TVP23C: variants seen among roughly 807,000 people sequenced by gnomAD.
TVP23C encodes the protein Golgi apparatus membrane protein TVP23 homolog C.
TVP23C carries 19 observed loss-of-function variants against 28.7 expected under a neutral mutation model. The ratio of observed to expected loss-of-function variants is 0.66; its 90% confidence interval spans 0.46 to 0.97. The LOEUF (loss-of-function observed/expected upper bound fraction) is 0.97. Among genes scored for constraint, TVP23C ranks in the 50% least tolerant of loss-of-function variants. The probability of loss-of-function intolerance (pLI) is 0.00; values close to 1 mark genes in which losing one functional copy is unlikely to be tolerated. For synonymous variants in TVP23C, 68 were observed against 81.7 expected (o/e 0.83, Z 0.90); for missense variants, 186 against 241.3 (o/e 0.77, Z 1.52).
rs184826170 is a variant in TVP23C at position 15,510,358 on chromosome 17, G to C, written c.463-7126C>G. On this transcript the variant is annotated intron_variant, in intron 5 of 5. Transcript: ENST00000225576. The stretch of plus-strand genomic sequence containing the variant: ...GAACAGACACTTATCAACACAAGAC[G>C]TACAAGCGGCCAATAAACATGAGAA... Among the ~76,000 whole-genome samples, 829 of 152,250 alleles carry C rather than the reference G, an allele frequency of 5.4e-3. 4 individuals are homozygous for C. The highest frequency in any genetic ancestry group is 8.2e-3 in the Non-Finnish European group (555 of 68,024).
intron 5 of TVP23C, chr17:15,503,690 C>G (rs1981593842): frequency 6.5e-6 from 1 of 152,928 alleles, no homozygotes; most frequent in Admixed American, 6.5e-5. Flanking sequence ...TGCAAGTTGA[C>G]TTATAAGTAT....
At chr17:15,507,091 T>A in intron 5 of TVP23C, 1 of 1,089,444 alleles carries the variant, frequency 9.2e-7, no homozygotes, top group Non-Finnish European at 1.4e-6. Context: ...CACTGGTGCC[T>A]CTACGGGGAG....
chr17:15,550,282 A>G (rs895411853), intron 3 of TVP23C, among the ~76,000 whole-genome samples: 1 of 152,210 alleles, frequency 6.6e-6, no homozygotes, highest in Non-Finnish European at 1.5e-5. Flanking sequence ...TAAACCCAAG[A>G]TATGTAGTAG....
chr17:15,541,162 A>T lies in TVP23C; in HGVS notation c.463-601T>A, dbSNP rs114199454. On this transcript the variant is annotated intron_variant, in intron 5 of 5. Transcript: ENST00000518321. ...TCCTTTGAGTTTCATTTTCTCACCT[A>T]TGGTGATCCCACTAGGATCAATGAG... is the stretch of plus-strand genomic sequence containing the variant. Among the ~76,000 whole-genome samples, 1,315 of 152,326 alleles carry T rather than the reference A, an allele frequency of 8.6e-3. 24 individuals are homozygous for T. The highest frequency in any genetic ancestry group is 0.03 in the African/African-American group (1,263 of 41,570).
downstream of TVP23C, among the ~76,000 whole-genome samples, chr17:15,533,940 T>C (rs1983047837): frequency 6.6e-6 from 1 of 152,232 alleles, no homozygotes; most frequent in African/African-American, 2.4e-5. Context: ...CGCTCTATGA[T>C]TTACACAGAA....
chr17:15,533,061 T>C (rs964385663), downstream of TVP23C, among the ~76,000 whole-genome samples: 1 of 152,258 alleles, frequency 6.6e-6, no homozygotes, highest in Non-Finnish European at 1.5e-5. Flanking sequence ...TCAATGACTG[T>C]AGACTAATGG....
chr17:15,561,348 T>G (rs1984376393), intron 1 of TVP23C, among the ~76,000 whole-genome samples: 1 of 152,138 alleles, frequency 6.6e-6, no homozygotes, highest in Non-Finnish European at 1.5e-5. Context: ...CCTGTAATCC[T>G]AGCACTTTGG....
Position 15,539,387 on chromosome 17 carries a change from C to A in TVP23C, c.*1025G>T. ...CTTTGGGAGGCGGAGGCAGGCGGAT[C>A]ACGAGGTCAGGAGATCGAGACCATC... On this transcript the variant is annotated 3_prime_UTR_variant, in exon 6 of 6. Transcript: ENST00000518321. 6 of 760,312 alleles carry A rather than the reference C, an allele frequency of 7.9e-6. No homozygotes were observed. Among genetic ancestry groups the A allele is most frequent in the Non-Finnish European group, 9.6e-6 (6 of 624,480 alleles). The allele number at this position is 760,312 out of a possible 1,614,324, so 47.1% of individuals were successfully genotyped here.
rs372378645 is a variant in TVP23C at position 15,502,728 on chromosome 17, CTCTT to C, written c.*132_*135del. 7.5e-3 allele frequency: 7,220 copies of C among 962,108 alleles called. 241 individuals are homozygous for C. In the African/African-American group the frequency reaches 0.095, roughly 13 times the overall value. 59.6% of individuals were successfully genotyped at this position (962,108 alleles called of 1,614,324 possible). The stretch of plus-strand genomic sequence containing the variant: ...CGTTCTTTCTCTCTCTCCTCTCTCT[CTCTT>C]TCTCTCTCCTCTCTCCCGTCTCTTT... On this transcript the variant is annotated 3_prime_UTR_variant, in exon 6 of 6. Coordinates refer to the TVP23C transcript ENST00000225576.
At chr17:15,508,874 A>G (rs1398910566) in intron 5 of TVP23C, among the ~76,000 whole-genome samples, 1 of 152,222 alleles carries the variant, frequency 6.6e-6, no homozygotes, top group Non-Finnish European at 1.5e-5. Context: ...GTGTCTAGAC[A>G]GCACCCTGGT....
At chr17:15,503,363 CCACTG>C (rs1401924476) in intron 5 of TVP23C, 157 of 1,112,596 alleles carry the variant, frequency 1.4e-4, no homozygotes, top group Non-Finnish European at 1.8e-4. Context: ...TGTGACCACG[CCACTG>C]CACTCCAGCC....
intron 1 of TVP23C, among the ~76,000 whole-genome samples, chr17:15,561,283 G>A (rs565440667): frequency 6.6e-6 from 1 of 152,284 alleles, no homozygotes; most frequent in African/African-American, 2.4e-5. Flanking sequence ...CTCGACTGAG[G>A]TTCACATCAC....
At chr17:15,522,783 C>A (rs1982533222) in intron 5 of TVP23C, among the ~76,000 whole-genome samples, 1 of 152,128 alleles carries the variant, frequency 6.6e-6, no homozygotes, top group Non-Finnish European at 1.5e-5. Flanking sequence ...TGGCTCACAC[C>A]TGTAATCCCA....
downstream of TVP23C, among the ~76,000 whole-genome samples, chr17:15,532,505 T>C (rs887090473): frequency 1.3e-5 from 2 of 152,212 alleles, no homozygotes; most frequent in African/African-American, 4.8e-5. Flanking sequence ...TCAAGGCTAC[T>C]GTGGAGCTGA....
chr17:15,519,479 TATACACAC>T (rs1047497792), intron 5 of TVP23C, among the ~76,000 whole-genome samples: 2 of 62,284 alleles, frequency 3.2e-5, no homozygotes, highest in Non-Finnish European at 8.5e-5. Flanking sequence ...CTCAAATAAA[TATACACAC>T]ACACACACAC....
At chr17:15,515,584 CG>C (rs1982191714) in intron 5 of TVP23C, among the ~76,000 whole-genome samples, 1 of 152,104 alleles carries the variant, frequency 6.6e-6, no homozygotes, top group South Asian at 2.1e-4. Context: ...AGTGCAAATA[CG>C]GGTATCGTTA....
intron 5 of TVP23C, among the ~76,000 whole-genome samples, chr17:15,507,902 A>G (rs1294576211): frequency 6.6e-6 from 1 of 152,184 alleles, no homozygotes; most frequent in Non-Finnish European, 1.5e-5. Context: ...TTATGCCTCC[A>G]TCGTATCTGT....
At chr17:15,518,040 C>T (rs144928129) in intron 5 of TVP23C, among the ~76,000 whole-genome samples, 1,882 of 151,920 alleles carry the variant, frequency 0.012, 37 homozygotes, top group African/African-American at 0.039. Context: ...TGGTGGCACG[C>T]GCCTGTAGTC....
intron 5 of TVP23C, chr17:15,531,094 G>GT (rs1420348745): frequency 6.6e-6 from 1 of 152,142 alleles, no homozygotes; most frequent in Non-Finnish European, 1.5e-5. Flanking sequence ...TCTCTGTTAA[G>GT]TTTTTTTCTT....
Sources: gnomAD v4.1 joint callset for allele counts (sites outside exome capture counted in the v4.1 genomes callset) on GRCh38, gnomAD v4.1.1 for gene constraint, MANE v1.5 for transcripts, NCBI Gene and HGNC (gene_info 2026-07-23, HGNC 2026-07-21) for gene names.